TXNRD3: variants seen among roughly 807,000 people sequenced by gnomAD.
The protein encoded by TXNRD3 is TXNRD3 neighbor gene protein.
A neutral mutation model predicts 78.2 loss-of-function variants in TXNRD3; 68 were observed. The observed-to-expected ratio is 0.87, with a 90% CI of 0.72 to 1.06. TXNRD3 has a LOEUF of 1.06. Ranked by LOEUF, TXNRD3 falls within the 50% of genes least tolerant of loss-of-function variation. The pLI is 0.00. For missense variants in TXNRD3, 751 were observed against 809.5 expected, an observed-to-expected ratio of 0.93 and a Z score of 0.88; for synonymous variants, 296 against 300.1, an observed-to-expected ratio of 0.99 and a Z score of 0.14.
At chr3:126,611,451 C>A (rs1938197637) in intron 13 of TXNRD3, among the ~76,000 whole-genome samples, 1 of 152,210 alleles carries the variant, frequency 6.6e-6, no homozygotes, top group African/African-American at 2.4e-5. Flanking sequence ...CTCGTGTGGG[C>A]TGCAGAGTTG....
intron 4 of TXNRD3, 66 bp from the exon 5 acceptor site, chr3:126,644,119 C>G: frequency 1.3e-6 from 2 of 1,489,616 alleles, no homozygotes; most frequent in Non-Finnish European, 1.8e-6. Flanking sequence ...CTCCCTCAAT[C>G]TTTGTCTTCC....
intron 3 of TXNRD3, among the ~76,000 whole-genome samples, 174 bp from the exon 4 acceptor site, chr3:126,644,575 C>CA (rs1327897648): frequency 7.9e-5 from 12 of 152,238 alleles, no homozygotes; most frequent in Admixed American, 7.2e-4. Context: ...AAACAGGGTC[C>CA]AACTAGTTAG....
chr3:126,635,270 AG>A (rs1298056841), intron 6 of TXNRD3, among the ~76,000 whole-genome samples: 1 of 152,232 alleles, frequency 6.6e-6, no homozygotes, highest in Non-Finnish European at 1.5e-5. Flanking sequence ...AAGGCATCTT[AG>A]ATTACAGGCT....
chr3:126,647,230 A>G lies in TXNRD3; in HGVS notation c.304+6T>C, dbSNP rs1272790445. On this transcript the variant is annotated splice_donor_region_variant and intron_variant, in intron 2 of 15. Coordinates refer to ENST00000524230, the MANE Select transcript of TXNRD3 (RefSeq NM_052883.3). Reference sequence around the variant, plus strand: ...AACAACACTATGTTGTAACTGGTCTACTTACCAACTTGATCAAGTTCCAAG... The same window carrying G: ...AACAACACTATGTTGTAACTGGTCTGCTTACCAACTTGATCAAGTTCCAAG... The G allele has an allele frequency of 1.3e-6, 2 of 1,533,096 alleles. No individual in the cohort carries two copies. Among genetic ancestry groups the G allele is most frequent in the African/African-American group, 1.4e-5 (1 of 72,976 alleles). The allele number at this position is 1,533,096 out of a possible 1,614,324, so 95.0% of individuals were successfully genotyped here. A position where few individuals can be genotyped will look rare whatever the true frequency, so the allele number is the denominator to read the frequency against.
Position 126,630,855 on chromosome 3 carries a change from AC to A in TXNRD3, c.1053del (p.Leu353TrpfsTer6). 2.0e-6 allele frequency: 3 copies of A among 1,535,928 alleles called. No individual in the cohort carries two copies. In the African/African-American group the frequency reaches 4.1e-5, roughly 21 times the overall value. On this transcript the variant is annotated frameshift_variant, in exon 9 of 16. Transcript: ENST00000524230. LOFTEE classifies it high-confidence loss of function. ...ACATCTAGGCCAAAGCCAGCCAGAAACCCTGCACACTCCAGGGCAACATAAG... is the reference window on the plus strand; with the variant it reads ...ACATCTAGGCCAAAGCCAGCCAGAAACCTGCACACTCCAGGGCAACATAAG...
intron 6 of TXNRD3, among the ~76,000 whole-genome samples, chr3:126,638,510 G>A (rs1303179799): frequency 6.6e-6 from 1 of 152,158 alleles, no homozygotes; most frequent in Non-Finnish European, 1.5e-5. Context: ...AAGGTGGGTG[G>A]ATCACCTGAG....
At chr3:126,643,026 A>T (rs1576295226) in intron 5 of TXNRD3, among the ~76,000 whole-genome samples, 1 of 152,206 alleles carries the variant, frequency 6.6e-6, no homozygotes, top group Non-Finnish European at 1.5e-5. Flanking sequence ...TGGCAGCCCC[A>T]TGTGAAGGGG....
intron 6 of TXNRD3, among the ~76,000 whole-genome samples, chr3:126,640,866 T>TA (rs74393581): frequency 0.027 from 3,509 of 128,832 alleles, 42 homozygotes; most frequent in Middle Eastern, 0.052. Context: ...GTAACTTGTG[T>TA]AAAAAAAAAA....
intron 3 of TXNRD3, among the ~76,000 whole-genome samples, chr3:126,645,460 CATAG>C (rs1206968161): frequency 6.6e-6 from 1 of 152,108 alleles, no homozygotes; most frequent in Non-Finnish European, 1.5e-5. Context: ...GGATGCTGAT[CATAG>C]ATTAACACAC....
At chr3:126,653,620 A>G (rs952468345) in intron 1 of TXNRD3, among the ~76,000 whole-genome samples, 2 of 152,254 alleles carry the variant, frequency 1.3e-5, no homozygotes, top group Admixed American at 6.5e-5. Context: ...TGGTATCACT[A>G]CTTGGAAACT....
At chr3:126,623,250 T>C (rs948352449) in intron 10 of TXNRD3, among the ~76,000 whole-genome samples, 2 of 152,180 alleles carry the variant, frequency 1.3e-5, no homozygotes, top group Non-Finnish European at 2.9e-5. Flanking sequence ...ACAGCTTCTA[T>C]AGGAAAGTCT....
In TXNRD3 at chr3:126,654,877, G is replaced by A. The variant is rs1933476636; in HGVS notation, c.114C>T (p.Ala38=). The A allele has an allele frequency of 7.5e-7, 1 of 1,330,592 alleles. No homozygotes were observed. The highest frequency in any genetic ancestry group is 9.5e-7 in the Non-Finnish European group (1 of 1,048,912). 82.4% of individuals were successfully genotyped at this position (1,330,592 alleles called of 1,614,324 possible). The change falls in exon 1 of 16, where the codon GCC becomes GCT. Residue 38 remains alanine (A), a synonymous_variant. Coordinates refer to ENST00000524230, the MANE Select transcript of TXNRD3 (RefSeq NM_052883.3). ...GGCTGGGCCCGGGGGACGACAGGCGGGCACGGCGCCCCGGCGGCGACAACA... is the reference window on the plus strand; with the variant it reads ...GGCTGGGCCCGGGGGACGACAGGCGAGCACGGCGCCCCGGCGGCGACAACA...
At chr3:126,630,468 G>A (rs553264448) in intron 9 of TXNRD3, among the ~76,000 whole-genome samples, 1 of 152,256 alleles carries the variant, frequency 6.6e-6, no homozygotes, top group East Asian at 1.9e-4. Flanking sequence ...ACTGAAGATG[G>A]AACATCCTTG....
chr3:126,640,639 T>C (rs1933052207), intron 6 of TXNRD3, among the ~76,000 whole-genome samples: 1 of 152,154 alleles, frequency 6.6e-6, no homozygotes, highest in African/African-American at 2.4e-5. Flanking sequence ...TTGTAATTTT[T>C]CTTAAAGTCC....
intron 12 of TXNRD3, among the ~76,000 whole-genome samples, chr3:126,617,773 C>T (rs1032237967): frequency 3.3e-5 from 5 of 152,140 alleles, no homozygotes; most frequent in African/African-American, 7.2e-5. Flanking sequence ...ACTGGGAAAA[C>T]AGGAAGTGAA....
intron 9 of TXNRD3, 151 bp downstream of exon 9, chr3:126,630,561 G>A (rs1938684414): frequency 1.3e-6 from 1 of 788,000 alleles, no homozygotes; most frequent in Middle Eastern, 3.8e-4. Flanking sequence ...GAGGGGACGA[G>A]GGGGAAAATG....
In TXNRD3 at chr3:126,615,529, T is replaced by C. The variant is rs1462293224; in HGVS notation, c.1525-67A>G. ...TTATAGCAAAAATCTATATTGCATA[T>C]ATTTATATAAAGAAAATAAATCAGT... is the stretch of plus-strand genomic sequence containing the variant. On this transcript the variant is annotated intron_variant, in intron 12 of 15. Coordinates refer to ENST00000524230, the MANE Select transcript of TXNRD3 (RefSeq NM_052883.3). The C allele has an allele frequency of 5.3e-6, 4 of 756,414 alleles. No individual in the cohort carries two copies. In the African/African-American group the frequency reaches 5.4e-5, roughly 10 times the overall value. The allele number at this position is 756,414 out of a possible 1,614,324, so 46.9% of individuals were successfully genotyped here.
intron 15 of TXNRD3, 38 bp downstream of exon 15, chr3:126,608,461 T>G: frequency 6.6e-7 from 1 of 1,504,360 alleles, no homozygotes; most frequent in Non-Finnish European, 8.8e-7. Context: ...TCAAACTACA[T>G]CAACTGAAGC....
At chr3:126,623,852 C>CAAAAAAAAA (rs4021853) in intron 10 of TXNRD3, among the ~76,000 whole-genome samples, 21 of 112,044 alleles carry the variant, frequency 1.9e-4, no homozygotes, top group South Asian at 6.6e-4. Flanking sequence ...GAAACAAGGC[C>CAAAAAAAAA]AAAAAAAAAA....
Sources: gnomAD v4.1 joint callset for allele counts (sites outside exome capture counted in the v4.1 genomes callset) on GRCh38, gnomAD v4.1.1 for gene constraint, MANE v1.5 for transcripts, NCBI Gene and HGNC (gene_info 2026-07-23, HGNC 2026-07-21) for gene names.